Variants in GLIS3 observed in about 807,000 individuals in gnomAD.
GLIS3 encodes the protein GLIS family zinc finger 3.
A neutral mutation model predicts 78.6 loss-of-function variants in GLIS3; 53 were observed. That is an observed-to-expected ratio of 0.67 (90% CI 0.54 to 0.85). The LOEUF is 0.85. GLIS3 is among the 40% of genes least tolerant of loss of function. The probability of loss-of-function intolerance (pLI) is 0.00; values close to 1 mark genes in which losing one functional copy is unlikely to be tolerated. For missense variants in GLIS3, 1,703 were observed against 1,231.1 expected, an observed-to-expected ratio of 1.38 and a Z score of -5.74; for synonymous variants, 684 against 509.9, an observed-to-expected ratio of 1.34 and a Z score of -4.60.
intron 2 of GLIS3, among the ~76,000 whole-genome samples, chr9:4,204,563 G>C (rs1166977587): frequency 1.3e-5 from 2 of 152,152 alleles, no homozygotes; most frequent in Non-Finnish European, 1.5e-5. Context: ...AAAATGCAGA[G>C]AACCAGGGAG....
At chr9:3,843,229 A>T (rs190317758) in intron 9 of GLIS3, among the ~76,000 whole-genome samples, 1 of 152,146 alleles carries the variant, frequency 6.6e-6, no homozygotes, top group Non-Finnish European at 1.5e-5. Context: ...TTCGAATCCG[A>T]GTCTGTTATT....
upstream of GLIS3, among the ~76,000 whole-genome samples, chr9:4,353,041 G>A (rs1218880486): frequency 6.6e-6 from 1 of 152,104 alleles, no homozygotes; most frequent in African/African-American, 2.4e-5. Flanking sequence ...CAGCTCTCTG[G>A]AAAGTTTTTT....
chr9:4,213,444 G>T (rs749267208), intron 2 of GLIS3, among the ~76,000 whole-genome samples: 7 of 152,224 alleles, frequency 4.6e-5, no homozygotes, highest in Non-Finnish European at 7.3e-5. Context: ...AACAAGGACT[G>T]TCCAGTAGAA....
chr9:4,142,612 G>A (rs1205375811), intron 2 of GLIS3, among the ~76,000 whole-genome samples: 2 of 152,034 alleles, frequency 1.3e-5, no homozygotes, highest in Non-Finnish European at 1.5e-5. Context: ...TACAATGAGT[G>A]GAATACAAAC....
the GLIS3 span, among the ~76,000 whole-genome samples, chr9:4,458,885 A>G: frequency 6.6e-6 from 1 of 152,226 alleles, no homozygotes; most frequent in Non-Finnish European, 1.5e-5. Flanking sequence ...GGAAAGTGAC[A>G]TGTTCAAAGA....
chr9:4,409,780 T>C, the GLIS3 span, among the ~76,000 whole-genome samples: 1 of 152,096 alleles, frequency 6.6e-6, no homozygotes, highest in Non-Finnish European at 1.5e-5. Flanking sequence ...AAAACAAAGA[T>C]TGTCAAAGAA....
chr9:4,118,823 ACTGACTTTCCGTCAGAC>A lies in GLIS3; in HGVS notation c.638_654del (p.Ser213IlefsTer29). On this transcript the variant is annotated frameshift_variant, in exon 4 of 11. Coordinates refer to ENST00000381971, the MANE Select transcript of GLIS3 (RefSeq NM_001042413.2). LOFTEE classifies it high-confidence loss of function. The surrounding 1 kb of genome is among the most constrained non-coding windows in gnomAD (Gnocchi z 4.7). ...CACTCCTGCTTCATGCTTGAGGCCG[ACTGACTTTCCGTCAGAC>A]TCAAGGTCGTGGACGCCAAAGACTC... 1 of 1,607,500 alleles carries A rather than the reference ACTGACTTTCCGTCAGAC, an allele frequency of 6.2e-7. No individual in the cohort carries two copies. Among genetic ancestry groups the A allele is most frequent in the Non-Finnish European group, 8.5e-7 (1 of 1,179,970 alleles).
chr9:4,266,595 TACACACACACACAC>T (rs57746056), intron 2 of GLIS3, among the ~76,000 whole-genome samples: 10 of 149,400 alleles, frequency 6.7e-5, no homozygotes, highest in African/African-American at 2.0e-4. Context: ...CATGCGCGTG[TACACACACACACAC>T]ACACACACAC....
chr9:3,895,438 G>T (rs1281727554), intron 7 of GLIS3, among the ~76,000 whole-genome samples: 1 of 152,160 alleles, frequency 6.6e-6, no homozygotes, highest in Non-Finnish European at 1.5e-5. Flanking sequence ...TCAGGAGCAG[G>T]CTTGGGGAGG....
chr9:4,285,460 T>A (rs1157377703), intron 2 of GLIS3: 1 of 152,264 alleles, frequency 6.6e-6, no homozygotes, highest in Non-Finnish European at 1.5e-5. Context: ...TATTCCCTTC[T>A]AGCTTGCTTC....
Position 4,276,869 on chromosome 9 carries a change from A to C in GLIS3, c.388+9169T>G, listed in dbSNP as rs554430830. On this transcript the variant is annotated intron_variant, in intron 2 of 10. Coordinates refer to ENST00000381971, the MANE Select transcript of GLIS3 (RefSeq NM_001042413.2). ...TTTCACCTGACTTGTTGGCAAGACAAAATGAAAACTCTGGCTACCTCAACT... is the reference window on the plus strand; with the variant it reads ...TTTCACCTGACTTGTTGGCAAGACACAATGAAAACTCTGGCTACCTCAACT... 8.4e-4 allele frequency among the ~76,000 whole-genome samples: 128 copies of C among 152,352 alleles called. 1 individual carries two copies. Among genetic ancestry groups the C allele is most frequent in the Non-Finnish European group, 1.4e-3 (98 of 68,024 alleles).
At chr9:4,279,677 G>C (rs1827374545) in intron 2 of GLIS3, among the ~76,000 whole-genome samples, 2 of 126,712 alleles carry the variant, frequency 1.6e-5, no homozygotes, top group African/African-American at 3.0e-5. Flanking sequence ...CTAGAGCTTA[G>C]ATTAGAGCTT....
intron 4 of GLIS3, among the ~76,000 whole-genome samples, chr9:3,975,808 G>A (rs751783276): frequency 6.6e-6 from 1 of 151,950 alleles, no homozygotes; most frequent in Admixed American, 6.6e-5. Context: ...AAAACATCAA[G>A]AAATTCAAAA....
intron 2 of GLIS3, among the ~76,000 whole-genome samples, chr9:4,232,269 T>G (rs895146984): frequency 2.7e-5 from 4 of 150,770 alleles, no homozygotes; most frequent in Non-Finnish European, 4.4e-5. Context: ...TAGTACCAGC[T>G]ATTTGAGATG....
In GLIS3 at chr9:4,346,410, T is replaced by A. The variant is rs145209219; in HGVS notation, n.264+671A>T. Among the ~76,000 whole-genome samples the A allele has an allele frequency of 2.6e-3, 396 of 152,310 alleles. 1 individual carries two copies. The highest frequency in any genetic ancestry group is 9.1e-3 in the African/African-American group (379 of 41,554). Reference sequence around the variant, plus strand: ...CAGTGACTGCCCTGCCCTGAAGCATTAAAACTCATTGATTAAAAGGATGAA... The same window carrying A: ...CAGTGACTGCCCTGCCCTGAAGCATAAAAACTCATTGATTAAAAGGATGAA... On this transcript the variant is annotated intron_variant and non_coding_transcript_variant, in intron 2 of 4. Coordinates refer to the GLIS3 transcript ENST00000471664.
intron 2 of GLIS3, among the ~76,000 whole-genome samples, chr9:4,187,041 T>G (rs1003516483): frequency 3.9e-5 from 6 of 152,210 alleles, no homozygotes; most frequent in African/African-American, 1.2e-4. Flanking sequence ...TGCCATTGCT[T>G]TCAGTGTTTT....
At chr9:4,482,442 A>T in the GLIS3 span, among the ~76,000 whole-genome samples, 1 of 152,322 alleles carries the variant, frequency 6.6e-6, no homozygotes, top group East Asian at 1.9e-4. Context: ...GACTGTTAAA[A>T]AGTGTGTCTA....
At chr9:4,470,756 C>A in the GLIS3 span, among the ~76,000 whole-genome samples, 4 of 151,604 alleles carry the variant, frequency 2.6e-5, no homozygotes, top group Non-Finnish European at 4.4e-5. Context: ...CTGGCCAGGG[C>A]AATAAGGCAG....
intron 2 of GLIS3, among the ~76,000 whole-genome samples, chr9:4,135,791 A>T (rs1335295714): frequency 2.0e-5 from 3 of 152,180 alleles, no homozygotes; most frequent in Non-Finnish European, 2.9e-5. Context: ...CCCATCTGCT[A>T]TGCAAAAACA....
Sources: allele counts gnomAD v4.1 joint callset (sites outside exome capture counted in the v4.1 genomes callset), GRCh38; gene constraint gnomAD v4.1.1; non-coding constraint Gnocchi (gnomAD v3.1); transcripts MANE v1.5; gene names NCBI Gene and HGNC (gene_info 2026-07-23, HGNC 2026-07-21).